The following JCAD variants were observed in gnomAD, a reference collection of about 807,000 sequenced individuals.
The protein encoded by JCAD is junctional cadherin 5-associated protein.
A neutral mutation model predicts 98.0 loss-of-function variants in JCAD; 40 were observed. The ratio of observed to expected loss-of-function variants is 0.41; its 90% CI spans 0.32 to 0.53. The LOEUF is 0.53. Ranked by LOEUF, JCAD falls within the 20% of genes least tolerant of loss-of-function variation. The pLI is 0.31. For missense variants in JCAD, 1,705 were observed against 1,738.1 expected (o/e 0.98, Z 0.34); for synonymous variants, 691 against 682.3 (o/e 1.01, Z -0.20).
Position 30,026,416 on chromosome 10 carries a change from T to C in JCAD, c.3732A>G (p.Gln1244=), listed in dbSNP as rs752076491. 1 of 1,614,266 alleles carries C rather than the reference T, an allele frequency of 6.2e-7. No homozygotes were observed. Among genetic ancestry groups the C allele is most frequent in the Non-Finnish European group, 8.5e-7 (1 of 1,180,046 alleles). ...TCCTAGGCGGGGAGGCCAGTTTCTCTTGTAAACTTTCAATCACTTTGGAAG... is the reference window on the plus strand; with the variant it reads ...TCCTAGGCGGGGAGGCCAGTTTCTCCTGTAAACTTTCAATCACTTTGGAAG... The part of the protein sequence containing the change: ...RSPSKVIESL[Q]EKLASPPRRA... The change falls in exon 3 of 4, where the codon CAA becomes CAG. Residue 1244 remains glutamine, a synonymous_variant. Coordinates refer to ENST00000375377, the MANE Select transcript of JCAD (RefSeq NM_020848.4).
Position 30,026,832 on chromosome 10 carries a change from C to T in JCAD, c.3316G>A (p.Ala1106Thr), listed in dbSNP as rs775872474. 12 of 1,613,924 alleles carry T rather than the reference C, an allele frequency of 7.4e-6. No individual in the cohort carries two copies. The highest frequency in any genetic ancestry group is 1.3e-5 in the African/African-American group (1 of 74,950). ...GGCTCAGCAGGCTGGTTCTGTCCCGCTCTCCGGATGCCCGGCAGGAGGGAC... is the reference window on the plus strand; with the variant it reads ...GGCTCAGCAGGCTGGTTCTGTCCCGTTCTCCGGATGCCCGGCAGGAGGGAC... ...VESLLPGIRR[A>T]GQNQPAEPDA... The change falls in exon 3 of 4, where the codon GCG (alanine) becomes ACG (threonine). Residue 1106 changes from alanine (A) to threonine (T), a missense_variant. By Grantham distance (58) the Ala-to-Thr change is moderately conservative. Around this residue, in one of 3 missense-constraint regions of JCAD, gnomAD observed 1,278 missense variants for 1,243.1 expected, o/e 1.03. Transcript: ENST00000375377.
intron 1 of JCAD, among the ~76,000 whole-genome samples, chr10:30,111,280 GC>G (rs1838697308): frequency 6.6e-6 from 1 of 152,140 alleles, no homozygotes; most frequent in Non-Finnish European, 1.5e-5. Context: ...CTTCTTGGGT[GC>G]ATTTTCTTCA....
At chr10:30,099,523 C>G (rs1269892212) in intron 1 of JCAD, among the ~76,000 whole-genome samples, 3 of 151,780 alleles carry the variant, frequency 2.0e-5, no homozygotes, top group African/African-American at 7.3e-5. Flanking sequence ...AGGCACTGTG[C>G]TAGGGAAACA....
At position 30,113,424 on chromosome 10, in the gene JCAD, G is replaced by A. The variant is rs188129145; in HGVS notation, n.128+1943C>T. Among the ~76,000 whole-genome samples the A allele has an allele frequency of 4.6e-3, 692 of 151,860 alleles. 7 individuals are homozygous for A. The highest frequency in any genetic ancestry group is 0.044 in the South Asian group (211 of 4,782). The stretch of plus-strand genomic sequence containing the variant: ...AAATCAACCGGGCGTGGTGGCAGGC[G>A]CCTGTAATCCCAGCTACTTGGGAGG... On this transcript the variant is annotated intron_variant and non_coding_transcript_variant, in intron 1 of 2. Coordinates refer to the JCAD transcript ENST00000465712.
upstream of JCAD, among the ~76,000 whole-genome samples, chr10:30,060,057 C>G (rs1389775061): frequency 6.6e-6 from 1 of 152,044 alleles, no homozygotes; most frequent in Non-Finnish European, 1.5e-5. Flanking sequence ...CGCACAGATG[C>G]AGCCAAACAC....
chr10:30,071,944 A>C (rs773655233), intron 1 of JCAD, among the ~76,000 whole-genome samples: 11 of 152,222 alleles, frequency 7.2e-5, no homozygotes, highest in Non-Finnish European at 1.6e-4. Flanking sequence ...ACAGAGGTTA[A>C]TATTATAAGC....
intron 1 of JCAD, among the ~76,000 whole-genome samples, chr10:30,097,603 C>T (rs117803942): frequency 4.8e-3 from 732 of 152,016 alleles, no homozygotes; most frequent in Non-Finnish European, 8.2e-3. Context: ...CAAAATTAGC[C>T]AGGCGTAGTG....
At chr10:30,095,477 C>A (rs1838353341) in intron 1 of JCAD, among the ~76,000 whole-genome samples, 1 of 152,252 alleles carries the variant, frequency 6.6e-6, no homozygotes, top group Non-Finnish European at 1.5e-5. Flanking sequence ...ACCCAACAAC[C>A]TACAGCCCAC....
chr10:30,065,675 A>G (rs1837771843), intron 2 of JCAD, among the ~76,000 whole-genome samples: 1 of 152,024 alleles, frequency 6.6e-6, no homozygotes, highest in African/African-American at 2.4e-5. Context: ...TAATTTTTGT[A>G]TCTTCTGCGG....
chr10:30,023,125 G>C (rs60019660), intron 3 of JCAD, among the ~76,000 whole-genome samples: 9,918 of 151,854 alleles, frequency 0.065, 1,119 homozygotes, highest in African/African-American at 0.23. Context: ...GTAACCTCTG[G>C]CTCCCGGGTT....
intron 1 of JCAD, among the ~76,000 whole-genome samples, chr10:30,050,314 CAAAAAAAAAAAAA>C (rs61421356): frequency 5.0e-4 from 21 of 41,756 alleles, no homozygotes; most frequent in Non-Finnish European, 1.0e-3. Context: ...GACCCTGTCT[CAAAAAAAAAAAAA>C]AAAAAAAAAA....
At chr10:30,032,107 A>T (rs1298296926) in intron 2 of JCAD, among the ~76,000 whole-genome samples, 1 of 152,180 alleles carries the variant, frequency 6.6e-6, no homozygotes, top group Non-Finnish European at 1.5e-5. Flanking sequence ...AATTTTGGGA[A>T]ACACTGCTAG....
At chr10:30,055,606 G>T (rs748859688) in intron 1 of JCAD, among the ~76,000 whole-genome samples, 2 of 152,184 alleles carry the variant, frequency 1.3e-5, no homozygotes, top group Non-Finnish European at 2.9e-5. Flanking sequence ...CATACCACAC[G>T]TGTGATGACC....
intron 3 of JCAD, chr10:30,025,869 C>T (rs940303314): frequency 2.2e-5 from 12 of 542,264 alleles, no homozygotes; most frequent in Admixed American, 6.4e-5. Context: ...TCCAGCCAGG[C>T]GACAGAGTGA....
At chr10:30,112,105 C>T (rs746833619) in intron 1 of JCAD, among the ~76,000 whole-genome samples, 1 of 152,154 alleles carries the variant, frequency 6.6e-6, no homozygotes, top group African/African-American at 2.4e-5. Flanking sequence ...GTGATATATA[C>T]ACACAATGGA....
At chr10:30,058,409 C>G (rs1837625329) in intron 1 of JCAD, among the ~76,000 whole-genome samples, 1 of 151,998 alleles carries the variant, frequency 6.6e-6, no homozygotes, top group Non-Finnish European at 1.5e-5. Flanking sequence ...AGGTGATGTG[C>G]CCAAGCTAAT....
At chr10:30,085,792 G>A (rs1020419681) in intron 1 of JCAD, among the ~76,000 whole-genome samples, 1 of 152,174 alleles carries the variant, frequency 6.6e-6, no homozygotes, top group African/African-American at 2.4e-5. Flanking sequence ...ATTTAATAGT[G>A]CCCATGGGTT....
At chr10:30,038,981 G>C (rs1388075808) in intron 2 of JCAD, among the ~76,000 whole-genome samples, 1 of 152,144 alleles carries the variant, frequency 6.6e-6, no homozygotes, top group Non-Finnish European at 1.5e-5. Flanking sequence ...ACTTCTAAGG[G>C]AAGAAAGCTG....
At chr10:30,044,948 A>T (rs73598340) in intron 2 of JCAD, 3,112 of 202,662 alleles carry the variant, frequency 0.015, 90 homozygotes, top group African/African-American at 0.069. Context: ...CTAGGAGCCA[A>T]CCTTCAATCC....
Sources: gnomAD v4.1 joint callset for allele counts (sites outside exome capture counted in the v4.1 genomes callset) on GRCh38, gnomAD v4.1.1 for gene constraint, gnomAD v4.1.1 regional missense constraint, MANE v1.5 for transcripts, NCBI Gene and HGNC (gene_info 2026-07-23, HGNC 2026-07-21) for gene names.